PPP6R3: variants seen among roughly 807,000 people sequenced by gnomAD.
The protein encoded by PPP6R3 is serine/threonine-protein phosphatase 6 regulatory subunit 3.
PPP6R3 carries 38 observed loss-of-function variants against 110.7 expected under a neutral mutation model. That is an observed-to-expected ratio of 0.34 (90% confidence interval 0.26 to 0.45). The LOEUF is 0.45. Among genes scored for constraint, PPP6R3 ranks in the 20% least tolerant of loss-of-function variants. The probability of loss-of-function intolerance (pLI) is 1.00; values close to 1 mark genes in which losing one functional copy is unlikely to be tolerated. For missense variants in PPP6R3, 870 were observed against 1,062.4 expected (o/e 0.82, Z 2.52); for synonymous variants, 369 against 373.5 (o/e 0.99, Z 0.14).
At chr11:68,492,874 A>G (rs1398111864) in intron 1 of PPP6R3, among the ~76,000 whole-genome samples, 1 of 152,118 alleles carries the variant, frequency 6.6e-6, no homozygotes, top group African/African-American at 2.4e-5. Context: ...TTCTTTATAG[A>G]ATTTACAAGG....
rs1275704109 is a variant in PPP6R3 at position 68,497,022 on chromosome 11, C to T, written c.-157-22479C>T. ...GACTACAGGTGCCCACCTCCACGCC[C>T]GGCTAATTTTTTTGTTTGTTTGTTT... On this transcript the variant is annotated intron_variant, in intron 1 of 23. Transcript: ENST00000393800. Among the ~76,000 whole-genome samples the T allele has an allele frequency of 4.7e-5, 7 of 149,912 alleles. No individual in the cohort carries two copies. The East Asian group carries it at 7.9e-4, about 17-fold the overall frequency.
intron 1 of PPP6R3, among the ~76,000 whole-genome samples, 182 bp downstream of exon 1, chr11:68,461,009 C>T (rs1426783567): frequency 6.6e-6 from 1 of 151,834 alleles, no homozygotes; most frequent in East Asian, 1.9e-4. Flanking sequence ...CCGAGTCCTT[C>T]CCGGCCGCTC....
intron 1 of PPP6R3, among the ~76,000 whole-genome samples, chr11:68,497,947 G>T (rs2099027506): frequency 6.6e-6 from 1 of 152,060 alleles, no homozygotes; most frequent in South Asian, 2.1e-4. Flanking sequence ...GATCATTGTT[G>T]TTTATTGTTG....
At chr11:68,607,981 CT>C (rs1941230108) in intron 22 of PPP6R3, among the ~76,000 whole-genome samples, 1 of 150,196 alleles carries the variant, frequency 6.7e-6, no homozygotes, top group Non-Finnish European at 1.5e-5. Context: ...GTGGCCCAGG[CT>C]GATCTCAAAC....
At chr11:68,486,460 C>G (rs1441818007) in intron 1 of PPP6R3, among the ~76,000 whole-genome samples, 1 of 151,926 alleles carries the variant, frequency 6.6e-6, no homozygotes, top group Non-Finnish European at 1.5e-5. Flanking sequence ...AAAAAATTAG[C>G]TGGGTGTGGT....
chr11:68,573,153 T>TATATATATATATA (rs1468107550), intron 12 of PPP6R3, among the ~76,000 whole-genome samples: 1 of 103,604 alleles, frequency 9.7e-6, no homozygotes, highest in African/African-American at 3.8e-5. Flanking sequence ...TATATATATA[T>TATATATATATATA]AATTTTTTTT....
chr11:68,567,069 G>A lies in PPP6R3; in HGVS notation c.1031G>A (p.Arg344Gln). ...GVLDPPVGNTRLNVIRLISSL... is the reference protein window; with the variant it reads ...GVLDPPVGNTQLNVIRLISSL... Reference sequence around the variant, plus strand: ...CTGGATCCTCCTGTGGGGAATACCCGGTTGAATGTCATTAGGTTGATATCC... The same window carrying A: ...CTGGATCCTCCTGTGGGGAATACCCAGTTGAATGTCATTAGGTTGATATCC... The change falls in exon 10 of 24, where the codon CGG (arginine) becomes CAG (glutamine). Residue 344 changes from arginine to glutamine, a missense_variant. Transcript: ENST00000393800. The A allele has an allele frequency of 1.9e-6, 3 of 1,551,552 alleles. No individual in the cohort carries two copies. Among genetic ancestry groups the A allele is most frequent in the Non-Finnish European group, 2.6e-6 (3 of 1,146,864 alleles).
At chr11:68,566,331 C>T (rs1466530769) in intron 9 of PPP6R3, among the ~76,000 whole-genome samples, 1 of 150,000 alleles carries the variant, frequency 6.7e-6, no homozygotes, top group Non-Finnish European at 1.5e-5. Context: ...CTTCTCTTTC[C>T]TCCTCCTCCT....
intron 2 of PPP6R3, chr11:68,522,764 C>A (rs1488961849): frequency 6.6e-6 from 1 of 152,152 alleles, no homozygotes; most frequent in African/African-American, 2.4e-5. Context: ...TTCTATACAC[C>A]ACCGGAATCA....
intron 10 of PPP6R3, 69 bp from the exon 11 acceptor site, chr11:68,569,679 G>T: frequency 7.7e-7 from 1 of 1,304,606 alleles, no homozygotes; most frequent in Non-Finnish European, 1.0e-6. Context: ...TCACTGTTCT[G>T]TAAATGTATT....
chr11:68,557,174 ATAGT>A (rs1458343082), intron 7 of PPP6R3, among the ~76,000 whole-genome samples: 5 of 152,220 alleles, frequency 3.3e-5, no homozygotes, highest in Non-Finnish European at 4.4e-5. Flanking sequence ...TCCAGACCTA[ATAGT>A]TAGTGTATAG....
intron 1 of PPP6R3, among the ~76,000 whole-genome samples, chr11:68,503,504 A>C (rs759506545): frequency 4.6e-5 from 7 of 152,194 alleles, no homozygotes; most frequent in African/African-American, 7.2e-5. Context: ...GGAGACTGAG[A>C]AATGGCCAGT....
chr11:68,549,942 C>A (rs2099364291), intron 5 of PPP6R3, among the ~76,000 whole-genome samples: 2 of 152,116 alleles, frequency 1.3e-5, no homozygotes, highest in Admixed American at 6.5e-5. Context: ...CAGCAGGAGT[C>A]TGGGATTGAT....
intron 19 of PPP6R3, among the ~76,000 whole-genome samples, chr11:68,600,100 C>T (rs911326851): frequency 1.3e-5 from 2 of 152,030 alleles, no homozygotes; most frequent in African/African-American, 4.8e-5. Flanking sequence ...CCAGCCTGGG[C>T]GACAGAGCGA....
At chr11:68,508,110 A>C (rs1411522757) in intron 1 of PPP6R3, among the ~76,000 whole-genome samples, 1 of 120,618 alleles carries the variant, frequency 8.3e-6, no homozygotes, top group Admixed American at 8.3e-5. Context: ...GGCCTAAGTG[A>C]GTTTTTTGGC....
At chr11:68,610,537 GA>G (rs1485048996) in intron 23 of PPP6R3, among the ~76,000 whole-genome samples, 4 of 152,198 alleles carry the variant, frequency 2.6e-5, no homozygotes, top group African/African-American at 4.8e-5. Flanking sequence ...TCTTAAGTAT[GA>G]AATGCCCACT....
intron 1 of PPP6R3, among the ~76,000 whole-genome samples, chr11:68,487,476 A>T (rs2098955283): frequency 6.6e-6 from 1 of 152,074 alleles, no homozygotes; most frequent in South Asian, 2.1e-4. Flanking sequence ...AGGCTGAGGC[A>T]TGAGAATTGC....
chr11:68,576,028 G>T lies in PPP6R3; in HGVS notation c.1530G>T (p.Arg510Ser). The T allele has an allele frequency of 6.2e-7, 1 of 1,606,348 alleles. No homozygotes were observed. Among genetic ancestry groups the T allele is most frequent in the Non-Finnish European group, 8.5e-7 (1 of 1,173,784 alleles). The stretch of plus-strand genomic sequence containing the variant: ...GCTCCTTAGGAGAAACTAACAAGAG[G>T]AACACGGTAGATCTAGTAGGTTTTA... ...CTSSLGETNK[R>S]NTVDLVTTCH... Residue 510 changes from arginine (R) to serine (S), a missense_variant, in exon 14 of 24, where the codon AGG becomes AGT. Arg to Ser is a moderately radical substitution (Grantham distance 110). Transcript: ENST00000393800.
At chr11:68,489,704 C>T (rs2098971859) in intron 1 of PPP6R3, among the ~76,000 whole-genome samples, 1 of 149,916 alleles carries the variant, frequency 6.7e-6, no homozygotes, top group Non-Finnish European at 1.5e-5. Context: ...TAATTAAAGT[C>T]TGTGCTTTTT....
Sources: allele counts gnomAD v4.1 joint callset (sites outside exome capture counted in the v4.1 genomes callset), GRCh38; gene constraint gnomAD v4.1.1; transcripts MANE v1.5; gene names NCBI Gene and HGNC (gene_info 2026-07-23, HGNC 2026-07-21).